The following WHRN variants were observed in gnomAD, a reference collection of about 807,000 sequenced individuals.
WHRN encodes whirlin.
Under a neutral mutation model 68.3 loss-of-function variants are expected in WHRN, and 41 were observed. That is an observed-to-expected ratio of 0.60 (90% CI 0.47 to 0.78). The LOEUF is 0.78. Ranked by LOEUF, WHRN falls within the 30% of genes least tolerant of loss-of-function variation. The pLI, the probability that WHRN is intolerant of heterozygous loss-of-function variation, is 0.00. For missense variants in WHRN, 1,243 were observed against 1,244.7 expected (o/e 1.00, Z 0.02); for synonymous variants, 560 against 561.3 (o/e 1.00, Z 0.03).
chr9:114,449,316 C>T (rs1839104990), intron 3 of WHRN, among the ~76,000 whole-genome samples: 1 of 152,176 alleles, frequency 6.6e-6, no homozygotes, highest in Non-Finnish European at 1.5e-5. Flanking sequence ...GAAGGAAAGC[C>T]CACAGACATC....
At chr9:114,476,458 C>T (rs1841659140) in intron 2 of WHRN, among the ~76,000 whole-genome samples, 1 of 152,070 alleles carries the variant, frequency 6.6e-6, no homozygotes, top group Admixed American at 6.5e-5. Context: ...TAGGTCTCAG[C>T]TCGGAAGCCG....
chr9:114,425,385 T>A, intron 4 of WHRN: 1 of 575,728 alleles, frequency 1.7e-6, no homozygotes, highest in South Asian at 2.3e-5. Flanking sequence ...TAGGGGCCGG[T>A]GAACTGGAGA....
intron 3 of WHRN, among the ~76,000 whole-genome samples, chr9:114,442,396 T>C: frequency 6.6e-6 from 1 of 152,130 alleles, no homozygotes; most frequent in Non-Finnish European, 1.5e-5. Flanking sequence ...CTGAAGTATT[T>C]AGGAATAAAG....
chr9:114,436,157 G>A (rs1449202783), intron 3 of WHRN, among the ~76,000 whole-genome samples: 1 of 152,212 alleles, frequency 6.6e-6, no homozygotes, highest in Admixed American at 6.5e-5. Context: ...TTCCAACTAT[G>A]TGATATTCTG....
intron 2 of WHRN, 124 bp from the exon 3 acceptor site, chr9:114,466,516 G>A (rs1564189260): frequency 1.4e-6 from 2 of 1,393,352 alleles, no homozygotes; most frequent in South Asian, 2.3e-5. Context: ...AGGAGGCCCA[G>A]GCCAAGGCCT....
intron 3 of WHRN, among the ~76,000 whole-genome samples, chr9:114,464,701 A>T (rs1196609356): frequency 1.3e-5 from 2 of 152,172 alleles, no homozygotes. Context: ...AAGGAATGTT[A>T]CCTATTATTA....
chr9:114,499,047 C>T (rs1843701643), intron 1 of WHRN, among the ~76,000 whole-genome samples: 1 of 152,200 alleles, frequency 6.6e-6, no homozygotes, highest in South Asian at 2.1e-4. Context: ...ATGGGGGCGG[C>T]TAGCATGTGT....
intron 1 of WHRN, among the ~76,000 whole-genome samples, chr9:114,483,578 T>C (rs753608106): frequency 6.6e-6 from 1 of 152,208 alleles, no homozygotes; most frequent in Non-Finnish European, 1.5e-5. Context: ...TCCTCACCCA[T>C]GGTTACGTGC....
chr9:114,450,776 C>T (rs548703196), intron 3 of WHRN, among the ~76,000 whole-genome samples: 6 of 151,936 alleles, frequency 3.9e-5, no homozygotes, highest in South Asian at 4.2e-4. Flanking sequence ...ATCACCGCCC[C>T]GGCACACAGT....
Position 114,478,712 on chromosome 9 carries a change from C to T in WHRN, c.678G>A (p.Gly226=), listed in dbSNP as rs780195131. Residue 226 remains glycine, a synonymous_variant, in exon 2 of 12, where the codon GGG becomes GGA. Transcript: ENST00000362057. ...LSVYSAGRIP[G]GYVTNHIYTW... is the part of the protein sequence containing the mutation. ...TGTAGATGTGGTTGGTGACGTAGCC[C>T]CCAGGGATGCGCCCTGCTGAGTACA... 1.4e-5 allele frequency: 23 copies of T among 1,609,916 alleles called. No individual in the cohort carries two copies. The South Asian group carries it at 2.1e-4, about 15-fold the overall frequency.
rs1837779643 is a variant in WHRN at position 114,435,548 on chromosome 9, T to C, written c.964-9135A>G. On this transcript the variant is annotated intron_variant, in intron 3 of 11. Transcript: ENST00000362057. ...TTTACAGGAATCACACTCTGGGAAA[T>C]GGTGTACATTTAATCCAGCCCCTCA... 2.0e-5 allele frequency among the ~76,000 whole-genome samples: 3 copies of C among 152,094 alleles called. No homozygotes were observed. In the East Asian group the frequency reaches 5.8e-4, roughly 29 times the overall value.
intron 2 of WHRN, among the ~76,000 whole-genome samples, chr9:114,473,914 A>G (rs1841445413): frequency 6.6e-6 from 1 of 151,886 alleles, no homozygotes; most frequent in Non-Finnish European, 1.5e-5. Flanking sequence ...GGCATGGAGA[A>G]GGGAAGGCGC....
rs142516414 is a variant in WHRN at position 114,486,885 on chromosome 9, AGTGTGTGT to A, written c.619-8122_619-8115del. 1.5e-4 allele frequency among the ~76,000 whole-genome samples: 11 copies of A among 73,704 alleles called. 1 individual carries two copies. The Admixed American group carries it at 1.6e-3, about 11-fold the overall frequency. The allele number at this position is 73,704 out of a possible 152,430, so 48.4% of individuals were successfully genotyped here. A position where few individuals can be genotyped will look rare whatever the true frequency, so the allele number is the denominator to read the frequency against. ...ACAGGGTAGTTCTGATGATTAAATT[AGTGTGTGT>A]GTGTGTGTGTGTAGAGTGTGTGTGT... On this transcript the variant is annotated intron_variant, in intron 1 of 11. Transcript: ENST00000362057.
At chr9:114,456,294 T>C (rs1223299622) in intron 3 of WHRN, among the ~76,000 whole-genome samples, 2 of 152,056 alleles carry the variant, frequency 1.3e-5, no homozygotes, top group Non-Finnish European at 1.5e-5. Context: ...CCAGGATGTG[T>C]ATGGGAGGGG....
At chr9:114,442,366 G>T (rs1481851502) in intron 3 of WHRN, among the ~76,000 whole-genome samples, 1 of 152,102 alleles carries the variant, frequency 6.6e-6, no homozygotes, top group Non-Finnish European at 1.5e-5. Flanking sequence ...GAATGTCCTT[G>T]TTCTTAGAGA....
At chr9:114,452,840 A>G (rs1185895754) in intron 3 of WHRN, among the ~76,000 whole-genome samples, 1 of 151,886 alleles carries the variant, frequency 6.6e-6, no homozygotes, top group African/African-American at 2.4e-5. Flanking sequence ...ACACATGGGG[A>G]TGCTGAGGGC....
chr9:114,466,200 G>T lies in WHRN; in HGVS notation c.963+67C>A, dbSNP rs1256365062. The T allele has an allele frequency of 1.9e-5, 30 of 1,607,320 alleles. No individual in the cohort carries two copies. The South Asian group carries it at 2.3e-4, about 12-fold the overall frequency. ...TGGAGTGCTGATTGCTCTGCTGGAG[G>T]TCTATTTAAAATCAGCAGCAAAGAG... On this transcript the variant is annotated intron_variant, in intron 3 of 11. Coordinates refer to ENST00000362057, the MANE Select transcript of WHRN (RefSeq NM_015404.4).
chr9:114,504,588 A>T lies in WHRN; in HGVS notation c.214T>A (p.Phe72Ile), dbSNP rs747570706. The change falls in exon 1 of 12, where the codon TTC becomes ATC. Residue 72 changes from phenylalanine (F) to isoleucine (I), a missense_variant. Physicochemically the swap from Phe to Ile is conservative, Grantham distance 21. Coordinates refer to ENST00000362057, the MANE Select transcript of WHRN (RefSeq NM_015404.4). ...LNAYHARRNV[F>I]DLVRTLRVLL... Reference sequence around the variant, plus strand: ...ACGCGCAGGGTGCGCACCAGGTCGAAGACGTTGCGGCGCGCGTGGTAAGCG... The same window carrying T: ...ACGCGCAGGGTGCGCACCAGGTCGATGACGTTGCGGCGCGCGTGGTAAGCG... 1 of 1,611,504 alleles carries T rather than the reference A, an allele frequency of 6.2e-7. No homozygotes were observed. Among genetic ancestry groups the T allele is most frequent in the South Asian group, 1.1e-5 (1 of 91,042 alleles).
intron 3 of WHRN, among the ~76,000 whole-genome samples, chr9:114,465,779 T>C (rs984397172): frequency 2.6e-5 from 4 of 152,160 alleles, no homozygotes; most frequent in African/African-American, 9.7e-5. Flanking sequence ...TGGGTAGTAA[T>C]ACCCTACCCC....
Sources: gnomAD v4.1 joint callset for allele counts (sites outside exome capture counted in the v4.1 genomes callset) on GRCh38, gnomAD v4.1.1 for gene constraint, MANE v1.5 for transcripts, NCBI Gene and HGNC (gene_info 2026-07-23, HGNC 2026-07-21) for gene names.